The following SLC25A46 variants were observed in gnomAD, a reference collection of about 807,000 sequenced individuals.
SLC25A46 encodes mitochondrial outer membrane protein SLC25A46.
SLC25A46 carries 39 observed loss-of-function variants against 44.6 expected under a neutral mutation model. The observed-to-expected ratio is 0.87, with a 90% CI of 0.68 to 1.14. The LOEUF is 1.14. Among genes scored for constraint, SLC25A46 ranks in the 50% most tolerant of loss-of-function variants. The probability of loss-of-function intolerance (pLI) is 0.00; values close to 1 mark genes in which losing one functional copy is unlikely to be tolerated. For missense variants in SLC25A46, 547 were observed against 522.7 expected (o/e 1.05, Z -0.45); for synonymous variants, 202 against 185.8 (o/e 1.09, Z -0.71).
intron 6 of SLC25A46, among the ~76,000 whole-genome samples, chr5:110,756,320 T>A (rs1800111111): frequency 6.6e-6 from 1 of 152,074 alleles, no homozygotes; most frequent in Non-Finnish European, 1.5e-5. Flanking sequence ...ATCTGGGAAT[T>A]GATATAAGAG....
chr5:110,746,999 A>G (rs1580859462), intron 4 of SLC25A46, among the ~76,000 whole-genome samples: 1 of 152,312 alleles, frequency 6.6e-6, no homozygotes, highest in African/African-American at 2.4e-5. Context: ...ACTAGATCTT[A>G]AAAGCTACAA....
chr5:110,759,194 G>A (rs1373526404), intron 7 of SLC25A46, among the ~76,000 whole-genome samples: 3 of 152,088 alleles, frequency 2.0e-5, no homozygotes, highest in Non-Finnish European at 2.9e-5. Context: ...ATTTCATGGC[G>A]ATTAACTGCT....
intron 7 of SLC25A46, among the ~76,000 whole-genome samples, chr5:110,759,663 AT>A (rs1487880749): frequency 3.3e-5 from 5 of 152,150 alleles, no homozygotes; most frequent in African/African-American, 1.2e-4. Flanking sequence ...TACATAGGAC[AT>A]TGTAAATCAT....
At chr5:110,745,233 C>A (rs1799785161) in intron 3 of SLC25A46, among the ~76,000 whole-genome samples, 1 of 152,060 alleles carries the variant, frequency 6.6e-6, no homozygotes, top group African/African-American at 2.4e-5. Flanking sequence ...ACCCCACTTG[C>A]AAACTCTGTT....
At chr5:110,751,739 T>A (rs1196651849) in intron 5 of SLC25A46, among the ~76,000 whole-genome samples, 3 of 152,116 alleles carry the variant, frequency 2.0e-5, no homozygotes, top group African/African-American at 7.2e-5. Flanking sequence ...TCTTTTGAGA[T>A]AGAGGTAAGT....
chr5:110,758,706 C>T (rs1276220849), intron 7 of SLC25A46, among the ~76,000 whole-genome samples: 2 of 151,720 alleles, frequency 1.3e-5, no homozygotes, highest in Admixed American at 6.6e-5. Flanking sequence ...CGCTTGAACC[C>T]GGGAGGCAGA....
chr5:110,739,411 C>G lies in SLC25A46; in HGVS notation c.283+9C>G, dbSNP rs1437884639. ...GCAGGGGCAGAGCAGTGGTGAGAAG[C>G]ATGGGGACCGACACAGGGATGAGGG... On this transcript the variant is annotated intron_variant, in intron 1 of 7. Transcript: ENST00000355943. 2.6e-6 allele frequency: 4 copies of G among 1,537,614 alleles called. No individual in the cohort carries two copies. In the Admixed American group the frequency reaches 8.1e-5, roughly 31 times the overall value.
intron 3 of SLC25A46, among the ~76,000 whole-genome samples, chr5:110,744,950 C>A (rs901900021): frequency 3.9e-5 from 6 of 152,228 alleles, no homozygotes; most frequent in Non-Finnish European, 8.8e-5. Flanking sequence ...CATTTTGTTA[C>A]TTCATTGTCA....
intron 7 of SLC25A46, 30 bp downstream of exon 7, chr5:110,756,789 T>A: frequency 6.7e-7 from 1 of 1,485,624 alleles, no homozygotes; most frequent in Non-Finnish European, 9.0e-7. Flanking sequence ...CATTTTTTTT[T>A]TATTTAAGAA....
chr5:110,748,152 G>A lies in SLC25A46; in HGVS notation c.463-11G>A. ...TATTAACAGAAATAACATGAATTTT[G>A]TTCAATTTAGGGACCTAGAGCCCTG... is the stretch of plus-strand genomic sequence containing the variant. On this transcript the variant is annotated splice_polypyrimidine_tract_variant and intron_variant, in intron 4 of 7. Coordinates refer to ENST00000355943, the MANE Select transcript of SLC25A46 (RefSeq NM_138773.4). 1 of 1,600,112 alleles carries A rather than the reference G, an allele frequency of 6.2e-7. No individual in the cohort carries two copies. The highest frequency in any genetic ancestry group is 8.6e-7 in the Non-Finnish European group (1 of 1,168,378).
intron 1 of SLC25A46, 40 bp from the exon 2 acceptor site, chr5:110,742,007 A>C (rs1458337863): frequency 2.2e-6 from 3 of 1,337,824 alleles, no homozygotes; most frequent in East Asian, 2.5e-5. Flanking sequence ...ATTGGTTATC[A>C]GTAATCTTAT....
At chr5:110,743,290 CA>C (rs1203614118) in intron 2 of SLC25A46, among the ~76,000 whole-genome samples, 2 of 151,834 alleles carry the variant, frequency 1.3e-5, no homozygotes, top group Non-Finnish European at 2.9e-5. Flanking sequence ...TTAAGTGCAC[CA>C]AAACCAAACA....
At chr5:110,747,985 T>G (rs766584501) in intron 4 of SLC25A46, among the ~76,000 whole-genome samples, 178 bp from the exon 5 acceptor site, 2 of 152,186 alleles carry the variant, frequency 1.3e-5, no homozygotes, top group Non-Finnish European at 2.9e-5. Context: ...ATAGGAATGT[T>G]CTTCTTGGCC....
In SLC25A46 at chr5:110,756,721, A is replaced by G. The variant is rs550747197; in HGVS notation, c.640A>G (p.Met214Val). ...CTATAGCCTAACTTACGTGGTGGCA[A>G]TGCCTTTTTATTCAGCAAGTCTGAT... ...LLKSLTYVVA[M>V]PFYSASLIET... Residue 214 changes from methionine to valine, a missense_variant, in exon 7 of 8, where the codon ATG becomes GTG. Physicochemically the swap from Met to Val is conservative, Grantham distance 21. Transcript: ENST00000355943. 4 of 1,572,966 alleles carry G rather than the reference A, an allele frequency of 2.5e-6. No homozygotes were observed. Among genetic ancestry groups the G allele is most frequent in the Admixed American group, 4.0e-5 (2 of 49,960 alleles).
intron 2 of SLC25A46, 132 bp downstream of exon 2, chr5:110,742,221 T>C: frequency 1.7e-6 from 1 of 577,516 alleles, no homozygotes; most frequent in Non-Finnish European, 2.9e-6. Context: ...AAATTTTGAA[T>C]AATATTTTGC....
intron 5 of SLC25A46, among the ~76,000 whole-genome samples, chr5:110,748,503 T>G (rs1313627716): frequency 6.6e-6 from 1 of 151,732 alleles, no homozygotes; most frequent in Non-Finnish European, 1.5e-5. Context: ...AAAAATACCT[T>G]GAATCTGAAA....
intron 3 of SLC25A46, 88 bp from the exon 4 acceptor site, chr5:110,746,181 A>T: frequency 9.6e-7 from 1 of 1,039,366 alleles, no homozygotes; most frequent in Non-Finnish European, 1.4e-6. Context: ...TTTTGTTTAT[A>T]CTGCAATTCC....
chr5:110,754,775 T>C (rs1297844973), intron 5 of SLC25A46: 1 of 152,160 alleles, frequency 6.6e-6, no homozygotes, highest in Non-Finnish European at 1.5e-5. Context: ...TGAGAGGCAG[T>C]ACAGGCAGAG....
Position 110,761,532 on chromosome 5 carries a change from C to G in SLC25A46, c.1007C>G (p.Thr336Arg). The G allele has an allele frequency of 6.2e-7, 1 of 1,613,822 alleles. No homozygotes were observed. Among genetic ancestry groups the G allele is most frequent in the Non-Finnish European group, 8.5e-7 (1 of 1,179,824 alleles). Residue 336 changes from threonine to arginine, a missense_variant, in exon 8 of 8, where the codon ACA becomes AGA. Thr to Arg is a moderately conservative substitution (Grantham distance 71). Coordinates refer to ENST00000355943, the MANE Select transcript of SLC25A46 (RefSeq NM_138773.4). The surrounding 1 kb of genome is among the most constrained non-coding windows in gnomAD (Gnocchi z 5.3). ...GACGTTATACTTTACCCATTGGAAACAGTTTTGCACCGCCTTCACATTCAA... is the reference window on the plus strand; with the variant it reads ...GACGTTATACTTTACCCATTGGAAAGAGTTTTGCACCGCCTTCACATTCAA... ...CSDVILYPLE[T>R]VLHRLHIQGT...
Sources: gnomAD v4.1 joint callset for allele counts (sites outside exome capture counted in the v4.1 genomes callset) on GRCh38, gnomAD v4.1.1 for gene constraint, Gnocchi (gnomAD v3.1) non-coding constraint, MANE v1.5 for transcripts, NCBI Gene and HGNC (gene_info 2026-07-23, HGNC 2026-07-21) for gene names.